The following PDE1C variants were observed in gnomAD, a reference collection of about 807,000 sequenced individuals.
PDE1C encodes dual specificity calcium/calmodulin-dependent 3',5'-cyclic nucleotide phosphodiesterase 1C.
A neutral mutation model predicts 93.1 loss-of-function variants in PDE1C; 62 were observed. The observed-to-expected ratio is 0.67, with a 90% confidence interval of 0.54 to 0.82. The LOEUF (loss-of-function observed/expected upper bound fraction) is 0.82, where lower values mean the gene tolerates loss of function less well. Ranked by LOEUF, PDE1C falls within the 40% of genes least tolerant of loss-of-function variation. The probability of loss-of-function intolerance (pLI) is 0.00; values close to 1 mark genes in which losing one functional copy is unlikely to be tolerated. For synonymous variants in PDE1C, 325 were observed against 310.1 expected, an observed-to-expected ratio of 1.05 and a Z score of -0.50; for missense variants, 742 against 884.6, an observed-to-expected ratio of 0.84 and a Z score of 2.04.
chr7:31,973,740 A>T (rs1257067389), intron 2 of PDE1C, among the ~76,000 whole-genome samples: 1 of 152,192 alleles, frequency 6.6e-6, no homozygotes, highest in Non-Finnish European at 1.5e-5. Flanking sequence ...CACAGCTAGT[A>T]AGTGACAGAA....
the PDE1C span, chr7:31,658,489 G>A: frequency 7.4e-6 from 8 of 1,088,396 alleles, no homozygotes; most frequent in East Asian, 2.2e-4. Context: ...TCAAAGTGGT[G>A]CCCCTTTGAG....
At position 31,967,952 on chromosome 7, in the gene PDE1C, C is replaced by T. The variant is rs552390900; in HGVS notation, c.128+83602G>A. ...CTCCATAAATTAGGTATTGATGGCA[C>T]GTATCTCAAAATAATAAGAGCTGTC... On this transcript the variant is annotated intron_variant, in intron 2 of 17. Transcript: ENST00000396191. 7.9e-5 allele frequency among the ~76,000 whole-genome samples: 12 copies of T among 152,272 alleles called. No individual in the cohort carries two copies. In the East Asian group the frequency reaches 1.4e-3, roughly 17 times the overall value.
chr7:31,837,436 G>C, intron 10 of PDE1C, 136 bp from the exon 11 acceptor site: 1 of 765,652 alleles, frequency 1.3e-6, no homozygotes, highest in Non-Finnish European at 1.9e-6. Context: ...TTGAGGAAAA[G>C]ACATCATTTC....
At chr7:31,773,771 G>A (rs6961705) in intron 17 of PDE1C, among the ~76,000 whole-genome samples, 50,922 of 151,916 alleles carry the variant, frequency 0.34, 8,998 homozygotes, top group African/African-American at 0.43. Flanking sequence ...TGCATACCCA[G>A]TAAGTGCCTG....
At chr7:32,391,953 C>G (rs1313184928) in intron 1 of PDE1C, among the ~76,000 whole-genome samples, 1 of 151,464 alleles carries the variant, frequency 6.6e-6, no homozygotes, top group African/African-American at 2.4e-5. Context: ...GCAAAACAAG[C>G]AGGAGGAAGG....
At chr7:31,781,459 C>A (rs1303027135) in intron 16 of PDE1C, among the ~76,000 whole-genome samples, 1 of 152,118 alleles carries the variant, frequency 6.6e-6, no homozygotes, top group Non-Finnish European at 1.5e-5. Context: ...TTGTAAATGA[C>A]TGCCTTTCTG....
intron 3 of PDE1C, among the ~76,000 whole-genome samples, chr7:32,131,610 T>C (rs919698467): frequency 2.0e-5 from 3 of 152,254 alleles, no homozygotes; most frequent in Non-Finnish European, 2.9e-5. Flanking sequence ...AATTTACTTA[T>C]ATTGAATTTC....
upstream of PDE1C, among the ~76,000 whole-genome samples, chr7:32,299,702 G>A (rs187035832): frequency 5.2e-4 from 79 of 152,310 alleles, no homozygotes; most frequent in South Asian, 1.2e-3. Context: ...ACTTTATGAC[G>A]ATGCCAAGTT....
chr7:31,618,995 T>C, the PDE1C span, among the ~76,000 whole-genome samples: 1 of 152,218 alleles, frequency 6.6e-6, no homozygotes. Context: ...TGATTCTTCA[T>C]CCCCTTACAT....
the PDE1C span, among the ~76,000 whole-genome samples, chr7:31,693,045 C>A: frequency 2.0e-5 from 3 of 152,298 alleles, no homozygotes; most frequent in South Asian, 4.1e-4. Flanking sequence ...CTGCCGCTAC[C>A]CATTTCTAAA....
chr7:32,276,030 GCAAA>G (rs1176225640), intron 1 of PDE1C, among the ~76,000 whole-genome samples: 2 of 152,284 alleles, frequency 1.3e-5, no homozygotes, highest in East Asian at 3.9e-4. Context: ...TTATGAAAAT[GCAAA>G]CATATTTTCA....
At position 32,330,083 on chromosome 7, in the gene PDE1C, C is replaced by G. The variant is rs115315612; in HGVS notation, c.310+97739G>C. ...TTCAGAACACATATCTTTGGCCCAC[C>G]TTTCCCAAAATGGAGATTTTGTTTG... On this transcript the variant is annotated intron_variant, in intron 1 of 1. Coordinates refer to the PDE1C transcript ENST00000672256. Among the ~76,000 whole-genome samples, 579 of 152,362 alleles carry G rather than the reference C, an allele frequency of 3.8e-3. 6 individuals carry two copies. The highest frequency in any genetic ancestry group is 0.013 in the African/African-American group (553 of 41,592).
At chr7:31,959,078 T>C (rs1808540977) in intron 2 of PDE1C, among the ~76,000 whole-genome samples, 2 of 152,220 alleles carry the variant, frequency 1.3e-5, no homozygotes, top group Admixed American at 1.3e-4. Flanking sequence ...ATAATCATCA[T>C]CTCCCTCCAT....
At chr7:31,760,049 C>G (rs6945316) in intron 17 of PDE1C, among the ~76,000 whole-genome samples, 2 of 151,902 alleles carry the variant, frequency 1.3e-5, no homozygotes, top group African/African-American at 4.8e-5. Flanking sequence ...TATTAGTCTA[C>G]TGGAAACCAA....
chr7:32,103,432 T>C (rs897717150), intron 3 of PDE1C, among the ~76,000 whole-genome samples: 1 of 152,150 alleles, frequency 6.6e-6, no homozygotes, highest in Non-Finnish European at 1.5e-5. Flanking sequence ...ATCCCCGTGA[T>C]GCTGGCAGCC....
At chr7:31,742,534 A>G in the PDE1C span, among the ~76,000 whole-genome samples, 1 of 152,174 alleles carries the variant, frequency 6.6e-6, no homozygotes, top group South Asian at 2.1e-4. Context: ...AGGAGACCCT[A>G]TCTCTAAAAT....
upstream of PDE1C, chr7:32,071,092 C>A (rs945788317): frequency 2.0e-6 from 2 of 985,496 alleles, no homozygotes; most frequent in Non-Finnish European, 2.4e-6. Flanking sequence ...GCGCGGGCAC[C>A]GCCGTCTGCC....
intron 1 of PDE1C, among the ~76,000 whole-genome samples, chr7:32,249,119 G>A (rs1809175169): frequency 6.6e-6 from 1 of 151,886 alleles, no homozygotes; most frequent in Non-Finnish European, 1.5e-5. Context: ...GGCATAACAA[G>A]GTACCCTTCA....
intron 2 of PDE1C, among the ~76,000 whole-genome samples, chr7:32,005,493 T>C (rs1248592462): frequency 7.0e-6 from 1 of 143,128 alleles, no homozygotes; most frequent in Non-Finnish European, 1.5e-5. Flanking sequence ...GAGGCGGAGC[T>C]TGCAGTGAGC....
Sources: gnomAD v4.1 joint callset for allele counts (sites outside exome capture counted in the v4.1 genomes callset) on GRCh38, gnomAD v4.1.1 for gene constraint, MANE v1.5 for transcripts, NCBI Gene and HGNC (gene_info 2026-07-23, HGNC 2026-07-21) for gene names.